The following KIAA0825 variants were observed in gnomAD, a reference collection of about 807,000 sequenced individuals.
KIAA0825 encodes KIAA0825.
A neutral mutation model predicts 147.6 loss-of-function variants in KIAA0825; 119 were observed. The observed-to-expected ratio is 0.81, with a 90% confidence interval of 0.69 to 0.94. KIAA0825 has a LOEUF of 0.94. KIAA0825 is among the 40% of genes least tolerant of loss of function. The pLI is 0.00. For synonymous variants in KIAA0825, 470 were observed against 518.1 expected, an observed-to-expected ratio of 0.91 and a Z score of 1.26; for missense variants, 1,381 against 1,472.7, an observed-to-expected ratio of 0.94 and a Z score of 1.02.
rs543173619 is a variant in KIAA0825, at chr5:94,457,185, T to C, written c.2247-4116A>G. ...TCTAGAGAGTATAACAGGGTGAAAA[T>C]TGGCTCACAAGCCTCAATGGGAGAA... On this transcript the variant is annotated intron_variant, in intron 12 of 20. Coordinates refer to ENST00000682413, the MANE Select transcript of KIAA0825 (RefSeq NM_001145678.3). Among the ~76,000 whole-genome samples, 5 of 152,294 alleles carry C rather than the reference T, an allele frequency of 3.3e-5. No individual in the cohort carries two copies. The East Asian group carries it at 9.6e-4, about 29-fold the overall frequency.
At chr5:94,276,496 G>A (rs1020834405) in intron 20 of KIAA0825, among the ~76,000 whole-genome samples, 6 of 151,274 alleles carry the variant, frequency 4.0e-5, no homozygotes, top group Admixed American at 2.6e-4. Context: ...AAAGAGTGTG[G>A]GATTTGACAA....
intron 20 of KIAA0825, among the ~76,000 whole-genome samples, chr5:94,163,646 A>C (rs1240776314): frequency 6.6e-6 from 1 of 152,194 alleles, no homozygotes; most frequent in African/African-American, 2.4e-5. Context: ...CATCAGTAAA[A>C]TATAACCATT....
At chr5:94,599,538 A>C (rs1165218819) in intron 1 of KIAA0825, among the ~76,000 whole-genome samples, 3 of 152,100 alleles carry the variant, frequency 2.0e-5, no homozygotes, top group Admixed American at 2.0e-4. Context: ...AACTTTAAGA[A>C]CTAAAATGCA....
intron 20 of KIAA0825, among the ~76,000 whole-genome samples, chr5:94,189,986 T>C (rs572072084): frequency 1.3e-5 from 2 of 152,330 alleles, no homozygotes; most frequent in African/African-American, 4.8e-5. Flanking sequence ...TTATATAGAC[T>C]TAAGTGTTCG....
intron 20 of KIAA0825, among the ~76,000 whole-genome samples, chr5:94,278,053 G>GCT (rs1395148969): frequency 6.6e-6 from 1 of 152,096 alleles, no homozygotes; most frequent in Non-Finnish European, 1.5e-5. Flanking sequence ...ATAAGTGGGA[G>GCT]CTGAACAGTG....
intron 20 of KIAA0825, among the ~76,000 whole-genome samples, chr5:94,200,405 C>T (rs1188510383): frequency 6.6e-6 from 1 of 152,136 alleles, no homozygotes; most frequent in Non-Finnish European, 1.5e-5. Flanking sequence ...CTCTCAATGC[C>T]TGCTTTTCGA....
intron 16 of KIAA0825, among the ~76,000 whole-genome samples, chr5:94,398,078 A>G (rs1275729193): frequency 1.3e-5 from 2 of 150,566 alleles, no homozygotes; most frequent in Admixed American, 6.6e-5. Context: ...GCATTGATAT[A>G]TAGTTCTACC....
rs142828782 is a variant in KIAA0825 at position 94,299,844 on chromosome 5, A to C, written c.3710+84524T>G. 2.1e-3 allele frequency among the ~76,000 whole-genome samples: 320 copies of C among 152,266 alleles called. 4 individuals are homozygous for C. Among genetic ancestry groups the C allele is most frequent in the East Asian group, 0.016 (85 of 5,180 alleles). On this transcript the variant is annotated intron_variant, in intron 20 of 20. Coordinates refer to ENST00000682413, the MANE Select transcript of KIAA0825 (RefSeq NM_001145678.3). Reference sequence around the variant, plus strand: ...AATAACTATTTCAGTTTGTCTAGGTAAAAATTACTAAATATTTGTATCTAT... The same window carrying C: ...AATAACTATTTCAGTTTGTCTAGGTCAAAATTACTAAATATTTGTATCTAT...
intron 20 of KIAA0825, among the ~76,000 whole-genome samples, chr5:94,234,482 A>T (rs1382101411): frequency 6.6e-6 from 1 of 152,230 alleles, no homozygotes; most frequent in Non-Finnish European, 1.5e-5. Context: ...TTCCATTGCC[A>T]TAAAAAAATT....
At chr5:94,456,584 T>C (rs1043121151) in intron 12 of KIAA0825, among the ~76,000 whole-genome samples, 4 of 152,224 alleles carry the variant, frequency 2.6e-5, no homozygotes, top group Admixed American at 1.3e-4. Context: ...CTTATATCCT[T>C]AACATGCTTT....
At chr5:94,482,260 G>C (rs1046881357) in intron 6 of KIAA0825, among the ~76,000 whole-genome samples, 4 of 151,934 alleles carry the variant, frequency 2.6e-5, no homozygotes, top group Non-Finnish European at 5.9e-5. Flanking sequence ...AAAGTAAAAA[G>C]TAAAATATTT....
At chr5:94,241,173 C>A (rs1222739023) in intron 20 of KIAA0825, among the ~76,000 whole-genome samples, 2 of 152,156 alleles carry the variant, frequency 1.3e-5, no homozygotes, top group Non-Finnish European at 2.9e-5. Flanking sequence ...CTCTGCCTGG[C>A]TGTTCAAAGT....
At chr5:94,350,110 C>A (rs547283178) in intron 20 of KIAA0825, among the ~76,000 whole-genome samples, 3 of 152,052 alleles carry the variant, frequency 2.0e-5, no homozygotes, top group Non-Finnish European at 4.4e-5. Flanking sequence ...ACAACTGACA[C>A]CACTGAAATA....
At chr5:94,494,965 A>C (rs1291248966) in intron 5 of KIAA0825, among the ~76,000 whole-genome samples, 1 of 152,230 alleles carries the variant, frequency 6.6e-6, no homozygotes, top group Non-Finnish European at 1.5e-5. Flanking sequence ...ATTTCAGTTA[A>C]GACATCTGCT....
intron 20 of KIAA0825, among the ~76,000 whole-genome samples, chr5:94,328,598 T>C (rs1780942256): frequency 6.6e-6 from 1 of 152,212 alleles, no homozygotes; most frequent in Middle Eastern, 3.5e-3. Context: ...ATATGATCAA[T>C]TTTTACTATA....
chr5:94,471,417 T>C, intron 9 of KIAA0825, 49 bp downstream of exon 9: 1 of 1,521,262 alleles, frequency 6.6e-7, no homozygotes, highest in Non-Finnish European at 8.9e-7. Context: ...ATCCAAAGAT[T>C]ACACGTTTCT....
intron 20 of KIAA0825, among the ~76,000 whole-genome samples, chr5:94,367,642 C>T (rs185191497): frequency 4.6e-4 from 70 of 152,358 alleles, no homozygotes; most frequent in Admixed American, 3.1e-3. Context: ...GATGCCTTGA[C>T]ATTGGGACTG....
At chr5:94,593,723 A>G in intron 1 of KIAA0825, 2 of 382,612 alleles carry the variant, frequency 5.2e-6, no homozygotes, top group Admixed American at 7.0e-5. Context: ...TTGGATAACT[A>G]TAAACAATTA....
chr5:94,504,534 T>C (rs1028515261), intron 5 of KIAA0825, among the ~76,000 whole-genome samples: 2 of 152,192 alleles, frequency 1.3e-5, no homozygotes, highest in Non-Finnish European at 2.9e-5. Flanking sequence ...CAAAATGGTA[T>C]TAAATATTCT....
Sources: allele counts gnomAD v4.1 joint callset (sites outside exome capture counted in the v4.1 genomes callset), GRCh38; gene constraint gnomAD v4.1.1; transcripts MANE v1.5; gene names NCBI Gene and HGNC (gene_info 2026-07-23, HGNC 2026-07-21).